The following HAUS2 variants were observed in gnomAD, a reference collection of about 807,000 sequenced individuals.
HAUS2 encodes the protein HAUS augmin-like complex subunit 2.
HAUS2 carries 20 observed loss-of-function variants against 21.6 expected under a neutral mutation model. That is an observed-to-expected ratio of 0.93 (90% CI 0.65 to 1.35). HAUS2 has a LOEUF of 1.35. HAUS2 is among the 40% of genes most tolerant of loss of function. The pLI, the probability that HAUS2 is intolerant of heterozygous loss-of-function variation, is 0.00. For missense variants in HAUS2, 297 were observed against 280.7 expected, an observed-to-expected ratio of 1.06 and a Z score of -0.42; for synonymous variants, 113 against 95.6, an observed-to-expected ratio of 1.18 and a Z score of -1.06.
rs772344018 is a variant in HAUS2, at chr15:42,563,801, A to G, written c.442A>G (p.Thr148Ala). ...LAVTFIERLE[T>A]HLETIRNIPH... ...TGTGACTTTCATTGAGAGATTAGAAACCCACCTTGAAACAATTAGAAATAT... is the reference window on the plus strand; with the variant it reads ...TGTGACTTTCATTGAGAGATTAGAAGCCCACCTTGAAACAATTAGAAATAT... The change falls in exon 5 of 6, where the codon ACC becomes GCC. Residue 148 changes from threonine (T) to alanine (A), a missense_variant. Transcript: ENST00000260372. The G allele has an allele frequency of 3.2e-6, 5 of 1,585,752 alleles. No homozygotes were observed. The highest frequency in any genetic ancestry group is 1.7e-4 in the Middle Eastern group (1 of 6,034).
intron 3 of HAUS2, among the ~76,000 whole-genome samples, chr15:42,560,382 A>C (rs918984991): frequency 6.6e-6 from 1 of 151,300 alleles, no homozygotes; most frequent in African/African-American, 2.5e-5. Context: ...GGATCAGCAA[A>C]AATTAGAGAG....
intron 3 of HAUS2, chr15:42,560,771 T>C: frequency 1.4e-6 from 1 of 700,330 alleles, no homozygotes; most frequent in East Asian, 2.7e-5. Context: ...GTTTTTTCAA[T>C]TTTTTTGTAG....
At chr15:42,555,046 A>G (rs1008357519) in intron 1 of HAUS2, among the ~76,000 whole-genome samples, 3 of 150,668 alleles carry the variant, frequency 2.0e-5, no homozygotes, top group Admixed American at 6.6e-5. Flanking sequence ...CTGGAGTGCA[A>G]TGGCGTGATC....
intron 1 of HAUS2, among the ~76,000 whole-genome samples, chr15:42,557,983 C>G (rs1166013146): frequency 6.6e-6 from 1 of 151,590 alleles, no homozygotes. Flanking sequence ...GTTTGTTTCT[C>G]TTATTTTTTT....
intron 1 of HAUS2, among the ~76,000 whole-genome samples, chr15:42,556,823 G>A (rs1286167198): frequency 6.8e-6 from 1 of 147,644 alleles, no homozygotes; most frequent in African/African-American, 2.5e-5. Flanking sequence ...AGGCCAACAT[G>A]GTGAAACCCC....
intron 1 of HAUS2, among the ~76,000 whole-genome samples, chr15:42,551,088 TG>T (rs1367658607): frequency 6.7e-6 from 1 of 150,348 alleles, no homozygotes; most frequent in East Asian, 2.0e-4. Context: ...CTCTGCCACC[TG>T]GGTTCAATCA....
chr15:42,558,139 C>A (rs887995980), intron 1 of HAUS2, 59 bp from the exon 2 acceptor site: 2 of 746,668 alleles, frequency 2.7e-6, no homozygotes, highest in East Asian at 2.6e-5. Context: ...CATGCTATTC[C>A]AATGTACCTA....
chr15:42,556,508 A>G (rs1214917180), intron 1 of HAUS2, among the ~76,000 whole-genome samples: 3 of 150,968 alleles, frequency 2.0e-5, no homozygotes, highest in Admixed American at 6.6e-5. Flanking sequence ...CAAATGATCT[A>G]CCCACCTCGG....
intron 4 of HAUS2, 69 bp downstream of exon 4, chr15:42,561,471 T>C: frequency 2.1e-6 from 2 of 953,968 alleles, no homozygotes; most frequent in Non-Finnish European, 3.4e-6. Flanking sequence ...TTGCAGTTAC[T>C]TTGTAGCAGA....
Position 42,548,902 on chromosome 15 carries a change from G to C in HAUS2, c.30G>C (p.Ala10=). 1 of 1,551,002 alleles carries C rather than the reference G, an allele frequency of 6.4e-7. No homozygotes were observed. The highest frequency in any genetic ancestry group is 8.7e-7 in the Non-Finnish European group (1 of 1,146,952). ...CCGCTGCCAACCCGTGGGACCCGGC[G>C]TCCGCGCCTAACGGCGCTGGGCTAG... MAAANPWDP[A]SAPNGAGLVL... is the part of the protein sequence containing the mutation. The change falls in exon 1 of 6, where the codon GCG becomes GCC. Residue 10 remains alanine (A), a synonymous_variant. Coordinates refer to ENST00000260372, the MANE Select transcript of HAUS2 (RefSeq NM_018097.3).
chr15:42,564,690 T>A (rs9919987), intron 5 of HAUS2, among the ~76,000 whole-genome samples: 3 of 152,206 alleles, frequency 2.0e-5, no homozygotes, highest in Non-Finnish European at 2.9e-5. Flanking sequence ...GTTCTCACTA[T>A]GTTACCTAGG....
intron 3 of HAUS2, chr15:42,560,863 G>C: frequency 2.8e-6 from 2 of 701,970 alleles, no homozygotes; most frequent in Non-Finnish European, 5.2e-6. Flanking sequence ...AAAACACTGC[G>C]ATTACAGGTA....
Position 42,566,716 on chromosome 15 carries a change from A to C in HAUS2, c.608A>C (p.Lys203Thr), listed in dbSNP as rs1379433678. ...QQNEVSSCIP[K>T]ILAEESYLYK... Reference sequence around the variant, plus strand: ...AACGAAGTTTCGTCTTGTATCCCCAAAATATTAGCTGAAGAAAGTTATCTT... The same window carrying C: ...AACGAAGTTTCGTCTTGTATCCCCACAATATTAGCTGAAGAAAGTTATCTT... The change falls in exon 6 of 6, where the codon AAA becomes ACA. Residue 203 changes from lysine (K) to threonine (T), a missense_variant. Transcript: ENST00000260372. 1.3e-6 allele frequency: 2 copies of C among 1,564,794 alleles called. No homozygotes were observed. The highest frequency in any genetic ancestry group is 1.7e-5 in the Admixed American group (1 of 59,952).
At chr15:42,550,390 T>G (rs1397035612) in intron 1 of HAUS2, among the ~76,000 whole-genome samples, 2 of 152,056 alleles carry the variant, frequency 1.3e-5, no homozygotes, top group South Asian at 2.1e-4. Flanking sequence ...CCTTACAGTA[T>G]TTTTTAATTT....
At chr15:42,564,714 C>T (rs974857015) in intron 5 of HAUS2, among the ~76,000 whole-genome samples, 2 of 152,222 alleles carry the variant, frequency 1.3e-5, no homozygotes, top group African/African-American at 4.8e-5. Flanking sequence ...GTTTCGAACT[C>T]CTAAGCTCAA....
rs149021689 is a variant in HAUS2 at position 42,562,782 on chromosome 15, T to C, written c.390-967T>C. 4.9e-3 allele frequency among the ~76,000 whole-genome samples: 745 copies of C among 152,300 alleles called. 10 individuals carry two copies. Among genetic ancestry groups the C allele is most frequent in the African/African-American group, 0.017 (705 of 41,574 alleles). ...TTTCAGTTAAGTACATTTATCCTTA[T>C]TGTCTTCATTCTTCACAGAGAATGA... On this transcript the variant is annotated intron_variant, in intron 4 of 5. Coordinates refer to ENST00000260372, the MANE Select transcript of HAUS2 (RefSeq NM_018097.3).
chr15:42,558,310 C>CTTTATT lies in HAUS2; in HGVS notation c.186+23_186+24insATTTTT. ...TACCAGGTAAATCATTTTGTTTTCA[C>CTTTATT]TTTCTTTTTTTTTTTTTTTTTTTTT... On this transcript the variant is annotated intron_variant, in intron 2 of 5. Coordinates refer to ENST00000260372, the MANE Select transcript of HAUS2 (RefSeq NM_018097.3). 1.7e-6 allele frequency: 1 copy of CTTTATT among 590,186 alleles called. No homozygotes were observed. The allele number at this position is 590,186 out of a possible 1,614,324, so 36.6% of individuals were successfully genotyped here. A position where few individuals can be genotyped will look rare whatever the true frequency, so the allele number is the denominator to read the frequency against.
chr15:42,550,178 A>T (rs2057707977), intron 1 of HAUS2, among the ~76,000 whole-genome samples: 1 of 150,698 alleles, frequency 6.6e-6, no homozygotes, highest in Non-Finnish European at 1.5e-5. Context: ...TGGGTCCTGG[A>T]GGCTCAGATG....
At position 42,559,397 on chromosome 15, in the gene HAUS2, C is replaced by A. The variant is rs749222409; in HGVS notation, c.245C>A (p.Pro82His). ...LEKDTADVVH[P>H]FFLAQKCHTL... ...AAAGATACAGCAGATGTTGTTCATC[C>A]TTTCTTTTTGGGTAAGTGGTTTGGT... Residue 82 changes from proline (P) to histidine (H), a missense_variant, in exon 3 of 6, where the codon CCT (proline) becomes CAT (histidine). Transcript: ENST00000260372. 1 of 1,599,956 alleles carries A rather than the reference C, an allele frequency of 6.3e-7. No individual in the cohort carries two copies. The highest frequency in any genetic ancestry group is 8.6e-7 in the Non-Finnish European group (1 of 1,167,270).
Sources: allele counts gnomAD v4.1 joint callset (sites outside exome capture counted in the v4.1 genomes callset), GRCh38; gene constraint gnomAD v4.1.1; transcripts MANE v1.5; gene names NCBI Gene and HGNC (gene_info 2026-07-23, HGNC 2026-07-21).